Variants in RAPH1 observed in about 807,000 individuals in gnomAD.
RAPH1 encodes the protein ras-associated and pleckstrin homology domains-containing protein 1.
RAPH1 carries 18 observed loss-of-function variants against 88.1 expected under a neutral mutation model. That is an observed-to-expected ratio of 0.20 (90% CI 0.14 to 0.30). RAPH1 has a LOEUF of 0.30. Ranked by LOEUF, RAPH1 falls within the 10% of genes least tolerant of loss-of-function variation. The probability of loss-of-function intolerance (pLI) is 1.00; values close to 1 mark genes in which losing one functional copy is unlikely to be tolerated. For missense variants in RAPH1, 1,448 were observed against 1,543.2 expected, an observed-to-expected ratio of 0.94 and a Z score of 1.03; for synonymous variants, 587 against 559.0, an observed-to-expected ratio of 1.05 and a Z score of -0.71.
intron 1 of RAPH1, among the ~76,000 whole-genome samples, chr2:203,528,733 GT>G (rs1363767440): frequency 6.6e-6 from 1 of 151,680 alleles, no homozygotes. Context: ...AAAACTTAGG[GT>G]AAAAAAATTT....
intron 4 of RAPH1, among the ~76,000 whole-genome samples, chr2:203,465,720 C>A (rs1476675716): frequency 6.6e-6 from 1 of 152,118 alleles, no homozygotes; most frequent in Non-Finnish European, 1.5e-5. Flanking sequence ...CTACTAAAAA[C>A]ACCAAAATTA....
intron 1 of RAPH1, among the ~76,000 whole-genome samples, chr2:203,506,286 T>C (rs922318014): frequency 2.6e-5 from 4 of 152,188 alleles, no homozygotes; most frequent in Admixed American, 2.0e-4. Flanking sequence ...TATGTGTTTG[T>C]AGGTATGTCC....
chr2:203,513,890 G>C (rs1689478126), intron 1 of RAPH1, among the ~76,000 whole-genome samples: 1 of 151,178 alleles, frequency 6.6e-6, no homozygotes, highest in Non-Finnish European at 1.5e-5. Context: ...TGTCGCCCAG[G>C]CTGGAGTGCA....
At chr2:203,469,710 T>G (rs986800511) in intron 4 of RAPH1, among the ~76,000 whole-genome samples, 5 of 152,200 alleles carry the variant, frequency 3.3e-5, no homozygotes, top group Non-Finnish European at 5.9e-5. Context: ...AGTGAAAATC[T>G]GGCTGGACTG....
intron 1 of RAPH1, among the ~76,000 whole-genome samples, chr2:203,532,734 T>C (rs1690444985): frequency 6.6e-6 from 1 of 152,210 alleles, no homozygotes; most frequent in Non-Finnish European, 1.5e-5. Context: ...ATCTGCAGAA[T>C]CTCTGAAATT....
chr2:203,523,781 T>A (rs1216811205), intron 1 of RAPH1, among the ~76,000 whole-genome samples: 1 of 151,988 alleles, frequency 6.6e-6, no homozygotes, highest in Non-Finnish European at 1.5e-5. Flanking sequence ...CCGAGGCAGG[T>A]GGATCACCAG....
At chr2:203,530,336 T>C (rs2106009207) in intron 1 of RAPH1, among the ~76,000 whole-genome samples, 1 of 152,342 alleles carries the variant, frequency 6.6e-6, no homozygotes, top group East Asian at 1.9e-4. Context: ...TAATTTATTG[T>C]AAACTCAAAT....
intron 4 of RAPH1, among the ~76,000 whole-genome samples, chr2:203,480,726 G>A (rs190994889): frequency 6.6e-6 from 1 of 152,192 alleles, no homozygotes; most frequent in African/African-American, 2.4e-5. Flanking sequence ...CCACTCATTA[G>A]TGTTTCAATA....
intron 4 of RAPH1, among the ~76,000 whole-genome samples, chr2:203,477,701 G>A (rs1016442487): frequency 3.3e-5 from 5 of 152,044 alleles, no homozygotes; most frequent in Admixed American, 6.6e-5. Flanking sequence ...GATGAATAAT[G>A]TGTTTTGTTT....
chr2:203,523,926 C>T (rs572180814), intron 1 of RAPH1, among the ~76,000 whole-genome samples: 36 of 152,144 alleles, frequency 2.4e-4, no homozygotes, highest in Admixed American at 9.8e-4. Flanking sequence ...ATCCCTTGAA[C>T]CTGGGAGGTG....
In RAPH1 at chr2:203,439,514, A is replaced by G; in HGVS notation, c.3676T>C (p.Tyr1226His). ...AGYGGSHISG[Y>H]ATLRRGPPPA... ...GGGGGTCCTCTCCGCAACGTTGCAT[A>G]GCCTGATATATGACTGCCTCCGTAA... The change falls in exon 14 of 14, where the codon TAT becomes CAT. Residue 1226 changes from tyrosine to histidine, a missense_variant. By Grantham distance (83) the Tyr-to-His change is moderately conservative. Coordinates refer to ENST00000319170, the MANE Select transcript of RAPH1 (RefSeq NM_213589.3). 1 of 1,614,134 alleles carries G rather than the reference A, an allele frequency of 6.2e-7. No individual in the cohort carries two copies. Among genetic ancestry groups the G allele is most frequent in the Non-Finnish European group, 8.5e-7 (1 of 1,180,028 alleles).
chr2:203,506,607 AC>A, intron 1 of RAPH1, among the ~76,000 whole-genome samples: 1 of 151,408 alleles, frequency 6.6e-6, no homozygotes, highest in African/African-American at 2.4e-5. Flanking sequence ...AATGATAGGC[AC>A]ATGTCAAATG....
At chr2:203,461,784 A>C in intron 5 of RAPH1, 64 bp downstream of exon 5, 1 of 1,203,740 alleles carries the variant, frequency 8.3e-7, no homozygotes. Flanking sequence ...TAAACAAGGC[A>C]ATTCTTCACA....
intron 1 of RAPH1, among the ~76,000 whole-genome samples, chr2:203,526,162 G>A (rs1444347292): frequency 6.6e-6 from 1 of 152,050 alleles, no homozygotes; most frequent in Non-Finnish European, 1.5e-5. Flanking sequence ...TCTGAAATAA[G>A]CCTATAATTT....
intron 1 of RAPH1, among the ~76,000 whole-genome samples, chr2:203,523,654 A>C (rs1689992532): frequency 6.6e-6 from 1 of 152,172 alleles, no homozygotes; most frequent in Non-Finnish European, 1.5e-5. Context: ...ATAAAAGGAA[A>C]AATTGGTAAT....
At chr2:203,516,658 G>A (rs554101213) in intron 1 of RAPH1, among the ~76,000 whole-genome samples, 1 of 152,130 alleles carries the variant, frequency 6.6e-6, no homozygotes, top group Admixed American at 6.5e-5. Flanking sequence ...CTTGAACCTG[G>A]GAAGCAGAGG....
intron 4 of RAPH1, among the ~76,000 whole-genome samples, chr2:203,467,883 T>A (rs192694203): frequency 2.0e-5 from 3 of 151,776 alleles, no homozygotes; most frequent in Non-Finnish European, 4.4e-5. Context: ...TTCTCCCACC[T>A]CAGCCTCCTG....
At position 203,439,370 on chromosome 2, in the gene RAPH1, A is replaced by G; in HGVS notation, c.*67T>C. ...CAGGAGGCTCTGAACACCTGAATTC[A>G]CAGATGATCAGGTGAGCTGATTGTA... On this transcript the variant is annotated 3_prime_UTR_variant, in exon 14 of 14. Transcript: ENST00000319170. The G allele has an allele frequency of 6.8e-7, 1 of 1,468,610 alleles. No homozygotes were observed. Among genetic ancestry groups the G allele is most frequent in the Non-Finnish European group, 9.4e-7 (1 of 1,066,172 alleles). The allele number at this position is 1,468,610 out of a possible 1,614,324, so 91.0% of individuals were successfully genotyped here.
intron 1 of RAPH1, among the ~76,000 whole-genome samples, chr2:203,528,938 T>C: frequency 6.8e-6 from 1 of 146,078 alleles, no homozygotes; most frequent in Non-Finnish European, 1.5e-5. Context: ...ATTTGGGATA[T>C]ATAAAGAATA....
Sources: gnomAD v4.1 joint callset for allele counts (sites outside exome capture counted in the v4.1 genomes callset) on GRCh38, gnomAD v4.1.1 for gene constraint, MANE v1.5 for transcripts, NCBI Gene and HGNC (gene_info 2026-07-23, HGNC 2026-07-21) for gene names.